Variants in SGO2 observed in about 807,000 individuals in gnomAD.
The protein encoded by SGO2 is shugoshin-like 2.
In SGO2, 68 loss-of-function variants were observed where a neutral mutation model predicts 99.5. The ratio of observed to expected loss-of-function variants is 0.68; its 90% CI spans 0.56 to 0.84. The LOEUF (loss-of-function observed/expected upper bound fraction) is 0.84. Among genes scored for constraint, SGO2 ranks in the 40% least tolerant of loss-of-function variants. SGO2 has a pLI of 0.00. For missense variants in SGO2, 1,350 were observed against 1,436.7 expected (o/e 0.94, Z 0.97); for synonymous variants, 457 against 487.1 (o/e 0.94, Z 0.81).
chr2:200,541,192 A>G, intron 4 of SGO2, among the ~76,000 whole-genome samples: 1 of 152,188 alleles, frequency 6.6e-6, no homozygotes, highest in East Asian at 1.9e-4. Context: ...TTCAGTTTCA[A>G]CATGAGTTTT....
rs750131385 is a variant in SGO2 at position 200,573,981 on chromosome 2, G to T, written c.3631+4G>T. On this transcript the variant is annotated splice_donor_region_variant and intron_variant, in intron 7 of 8. Coordinates refer to ENST00000357799, the MANE Select transcript of SGO2 (RefSeq NM_152524.6). Reference sequence around the variant, plus strand: ...AGAACCCAAAAATCAGGAATAGGTAGGTTAATAACCATTATGAAATGATAA... The same window carrying T: ...AGAACCCAAAAATCAGGAATAGGTATGTTAATAACCATTATGAAATGATAA... 42 of 1,557,000 alleles carry T rather than the reference G, an allele frequency of 2.7e-5. No homozygotes were observed. In the African/African-American group the frequency reaches 4.7e-4, roughly 17 times the overall value.
chr2:200,578,183 T>TAGATATAGATATAGATATAGATATAG (rs374832694), intron 8 of SGO2, among the ~76,000 whole-genome samples: 3 of 152,068 alleles, frequency 2.0e-5, no homozygotes, highest in Non-Finnish European at 4.4e-5. Flanking sequence ...GATATAGATA[T>TAGATATAGATATAGATATAGATATAG]ATATCGTGGG....
intron 4 of SGO2, among the ~76,000 whole-genome samples, chr2:200,542,261 AATAC>A (rs1458532626): frequency 3.3e-5 from 5 of 152,208 alleles, no homozygotes; most frequent in African/African-American, 9.6e-5. Context: ...AATATTGCAT[AATAC>A]ATATGTAGAC....
chr2:200,543,783 A>G (rs1180986694), intron 5 of SGO2, among the ~76,000 whole-genome samples: 1 of 152,212 alleles, frequency 6.6e-6, no homozygotes. Context: ...TGTTGTCATT[A>G]TGCACGTATT....
chr2:200,569,929 A>G (rs771520996), intron 6 of SGO2, 37 bp downstream of exon 6: 1 of 1,304,720 alleles, frequency 7.7e-7, no homozygotes, highest in Non-Finnish European at 1.1e-6. Context: ...GAGTATTTGT[A>G]TTAGTTACAT....
rs1036533 is a variant in SGO2, at chr2:200,533,001, G to T, written c.26G>T (p.Gly9Val). The T allele has an allele frequency of 1.2e-6, 2 of 1,609,656 alleles. No individual in the cohort carries two copies. The highest frequency in any genetic ancestry group is 1.7e-6 in the Non-Finnish European group (2 of 1,178,770). The change falls in exon 2 of 9, where the codon GGC becomes GTC. Residue 9 changes from glycine to valine, a missense_variant. Gly to Val is a moderately radical substitution (Grantham distance 109). Transcript: ENST00000357799. MECPVMET[G>V]SLFTSGIKRH... Reference sequence around the variant, plus strand: ...ATGGAGTGCCCAGTGATGGAAACTGGCTCACTTTTTACCTCAGGAATTAAG... The same window carrying T: ...ATGGAGTGCCCAGTGATGGAAACTGTCTCACTTTTTACCTCAGGAATTAAG...
In SGO2 at chr2:200,572,780, G is replaced by A. The variant is rs755604176; in HGVS notation, c.2434G>A (p.Val812Ile). The A allele has an allele frequency of 2.5e-6, 4 of 1,612,812 alleles. No individual in the cohort carries two copies. In the African/African-American group the frequency reaches 4.0e-5, roughly 16 times the overall value. ...SKIGKKPRLN[V>I]CQKSEIIPET... ...AATAGGTAAGAAGCCTAGACTAAAT[G>A]TATGTCAAAAGTCAGAAATAATTCC... Residue 812 changes from valine to isoleucine, a missense_variant, in exon 7 of 9, where the codon GTA becomes ATA. By Grantham distance (29) the Val-to-Ile change is conservative. Transcript: ENST00000357799.
chr2:200,583,437 T>C lies in SGO2; in HGVS notation c.3783-12T>C. 3.8e-6 allele frequency: 6 copies of C among 1,578,906 alleles called. No individual in the cohort carries two copies. The highest frequency in any genetic ancestry group is 5.1e-6 in the Non-Finnish European group (6 of 1,165,560). On this transcript the variant is annotated splice_polypyrimidine_tract_variant and intron_variant, in intron 8 of 8. Transcript: ENST00000357799. ...GGGTTGTTATTAATCTTCCTTTTTTTCTACTTTGCAGCAAGATGAGAAGAT... is the reference window on the plus strand; with the variant it reads ...GGGTTGTTATTAATCTTCCTTTTTTCCTACTTTGCAGCAAGATGAGAAGAT...
intron 8 of SGO2, among the ~76,000 whole-genome samples, chr2:200,575,894 C>T (rs2033638503): frequency 6.6e-6 from 1 of 152,132 alleles, no homozygotes; most frequent in Non-Finnish European, 1.5e-5. Flanking sequence ...TTCAAACATA[C>T]CCCAACAAAG....
intron 5 of SGO2, among the ~76,000 whole-genome samples, chr2:200,547,620 CAA>C (rs1466546191): frequency 6.6e-6 from 1 of 152,066 alleles, no homozygotes; most frequent in African/African-American, 2.4e-5. Context: ...AACTAAAAGA[CAA>C]AATGTTGGAG....
chr2:200,532,767 A>G (rs1423497148), intron 1 of SGO2, among the ~76,000 whole-genome samples: 1 of 152,192 alleles, frequency 6.6e-6, no homozygotes, highest in Non-Finnish European at 1.5e-5. Context: ...ATGTAGGCTT[A>G]AATGAAAAAA....
At chr2:200,533,923 G>A (rs2031560679) in intron 2 of SGO2, among the ~76,000 whole-genome samples, 1 of 152,058 alleles carries the variant, frequency 6.6e-6, no homozygotes, top group South Asian at 2.1e-4. Context: ...CACACCCCCT[G>A]TTATGAAGGA....
Position 200,571,913 on chromosome 2 carries a change from C to A in SGO2, c.1567C>A (p.Gln523Lys). Reference sequence around the variant, plus strand: ...CCAGGAGAGTAAATTTGATAAGGGTCAGAATTCCCTAACTTGTAATAAAAG... The same window carrying A: ...CCAGGAGAGTAAATTTGATAAGGGTAAGAATTCCCTAACTTGTAATAAAAG... ...FHQESKFDKGQNSLTCNKSKA... is the reference protein window; with the variant it reads ...FHQESKFDKGKNSLTCNKSKA... Residue 523 changes from glutamine to lysine, a missense_variant, in exon 7 of 9, where the codon CAG becomes AAG. Gln to Lys is a moderately conservative substitution (Grantham distance 53). Transcript: ENST00000357799. 6.2e-7 allele frequency: 1 copy of A among 1,613,310 alleles called. No homozygotes were observed. Among genetic ancestry groups the A allele is most frequent in the South Asian group, 1.1e-5 (1 of 90,902 alleles).
chr2:200,551,138 A>C (rs1427930445), intron 5 of SGO2, among the ~76,000 whole-genome samples: 3 of 150,850 alleles, frequency 2.0e-5, no homozygotes, highest in Non-Finnish European at 3.0e-5. Context: ...GTATATATCC[A>C]AAAAAAAAGG....
intron 5 of SGO2, among the ~76,000 whole-genome samples, chr2:200,562,901 T>C (rs1259930711): frequency 2.6e-5 from 4 of 152,226 alleles, no homozygotes; most frequent in African/African-American, 9.6e-5. Flanking sequence ...TTTTTGCACA[T>C]TGATTTTGTA....
At chr2:200,558,753 G>A (rs983418728) in intron 5 of SGO2, among the ~76,000 whole-genome samples, 31 of 145,162 alleles carry the variant, frequency 2.1e-4, no homozygotes, top group African/African-American at 7.9e-4. Context: ...ATGTTTAGAA[G>A]TTATCTGGGC....
chr2:200,557,000 TC>T, intron 5 of SGO2, among the ~76,000 whole-genome samples: 1 of 152,290 alleles, frequency 6.6e-6, no homozygotes, highest in Non-Finnish European at 1.5e-5. Flanking sequence ...AAGGATCTTT[TC>T]CAGCAGTCCT....
At chr2:200,558,556 T>A (rs1207824432) in intron 5 of SGO2, among the ~76,000 whole-genome samples, 3 of 152,068 alleles carry the variant, frequency 2.0e-5, no homozygotes, top group African/African-American at 4.8e-5. Flanking sequence ...TTGCTAATTT[T>A]AAAAAAATAT....
At chr2:200,581,153 A>G (rs993314958) in intron 8 of SGO2, among the ~76,000 whole-genome samples, 1 of 152,158 alleles carries the variant, frequency 6.6e-6, no homozygotes, top group Non-Finnish European at 1.5e-5. Context: ...CAGCATTTAT[A>G]ACTGTGCTGT....
Sources: gnomAD v4.1 joint callset for allele counts (sites outside exome capture counted in the v4.1 genomes callset) on GRCh38, gnomAD v4.1.1 for gene constraint, MANE v1.5 for transcripts, NCBI Gene and HGNC (gene_info 2026-07-23, HGNC 2026-07-21) for gene names.